TRAF3IP1: variants seen among roughly 807,000 people sequenced by gnomAD.
TRAF3IP1 encodes TRAF3-interacting protein 1.
Under a neutral mutation model 89.9 loss-of-function variants are expected in TRAF3IP1, and 53 were observed. The ratio of observed to expected loss-of-function variants is 0.59; its 90% CI spans 0.47 to 0.74. TRAF3IP1 has a LOEUF of 0.74. Among genes scored for constraint, TRAF3IP1 ranks in the 30% least tolerant of loss-of-function variants. TRAF3IP1 has a pLI of 0.00. For missense variants in TRAF3IP1, 806 were observed against 866.1 expected (o/e 0.93, Z 0.87); for synonymous variants, 311 against 322.1 (o/e 0.97, Z 0.37).
At chr2:238,330,220 C>T (rs908537681) in intron 5 of TRAF3IP1, among the ~76,000 whole-genome samples, 1 of 152,162 alleles carries the variant, frequency 6.6e-6, no homozygotes, top group Non-Finnish European at 1.5e-5. Flanking sequence ...GGGCTGCTTT[C>T]AAGGGCTTTT....
At chr2:238,370,273 ATGTCTG>A (rs1700053109) in intron 15 of TRAF3IP1, among the ~76,000 whole-genome samples, 1 of 151,350 alleles carries the variant, frequency 6.6e-6, no homozygotes, top group East Asian at 1.9e-4. Flanking sequence ...GTCTATGTGA[ATGTCTG>A]TGTCTGTGTG....
intron 12 of TRAF3IP1, among the ~76,000 whole-genome samples, chr2:238,350,923 C>A (rs1310375853): frequency 6.6e-6 from 1 of 151,908 alleles, no homozygotes; most frequent in Non-Finnish European, 1.5e-5. Flanking sequence ...GGAAGCGCCA[C>A]GGTCATGACC....
Position 238,372,022 on chromosome 2 carries a change from A to G in TRAF3IP1, c.1689+15942A>G, listed in dbSNP as rs142386721. ...TCCCTAAACTAGTTCTTGAAAAAAT[A>G]GTTTTGTGGAAGAATAACATAATAA... On this transcript the variant is annotated intron_variant, in intron 15 of 16. Transcript: ENST00000373327. Among the ~76,000 whole-genome samples the G allele has an allele frequency of 1.8e-3, 270 of 152,348 alleles. 2 individuals are homozygous for G. Among genetic ancestry groups the G allele is most frequent in the African/African-American group, 6.0e-3 (249 of 41,590 alleles).
chr2:238,385,818 C>G (rs1276785522), intron 15 of TRAF3IP1, among the ~76,000 whole-genome samples: 1 of 152,028 alleles, frequency 6.6e-6, no homozygotes, highest in Admixed American at 6.5e-5. Context: ...AGGGGGAAGT[C>G]AGACTGGCCT....
In TRAF3IP1 at chr2:238,358,642, G is replaced by A. The variant is rs189678179; in HGVS notation, c.1689+2562G>A. Among the ~76,000 whole-genome samples the A allele has an allele frequency of 4.7e-3, 716 of 152,324 alleles. 4 individuals are homozygous for A. The highest frequency in any genetic ancestry group is 7.5e-3 in the South Asian group (36 of 4,828). ...TGGTGTGTATCTCTACTTTGGATGT[G>A]CCTCGTGGTGTTTTTTGAGTTTCTA... On this transcript the variant is annotated intron_variant, in intron 15 of 16. Coordinates refer to ENST00000373327, the MANE Select transcript of TRAF3IP1 (RefSeq NM_015650.4).
At chr2:238,387,823 G>GT (rs1700836277) in intron 15 of TRAF3IP1, among the ~76,000 whole-genome samples, 1 of 152,218 alleles carries the variant, frequency 6.6e-6, no homozygotes, top group Non-Finnish European at 1.5e-5. Context: ...GCTCATGCCT[G>GT]TAATCCCAAT....
chr2:238,341,360 TA>T (rs950344003), intron 8 of TRAF3IP1, among the ~76,000 whole-genome samples: 1 of 151,882 alleles, frequency 6.6e-6, no homozygotes, highest in Non-Finnish European at 1.5e-5. Context: ...CAAAGTATGT[TA>T]AAAAAACATC....
intron 10 of TRAF3IP1, among the ~76,000 whole-genome samples, chr2:238,347,779 C>T (rs1193383373): frequency 6.6e-6 from 1 of 151,988 alleles, no homozygotes; most frequent in Non-Finnish European, 1.5e-5. Flanking sequence ...AGGCATGCAC[C>T]ACCACGCCCG....
intron 7 of TRAF3IP1, among the ~76,000 whole-genome samples, chr2:238,335,395 T>C (rs1416334785): frequency 6.6e-6 from 1 of 152,250 alleles, no homozygotes; most frequent in Non-Finnish European, 1.5e-5. Context: ...TCTCTCCTGC[T>C]CTGTGAAGCC....
At position 238,351,935 on chromosome 2, in the gene TRAF3IP1, G is replaced by A. The variant is rs1699191845; in HGVS notation, c.1452-892G>A. On this transcript the variant is annotated intron_variant, in intron 12 of 16. Coordinates refer to ENST00000373327, the MANE Select transcript of TRAF3IP1 (RefSeq NM_015650.4). This position sits in a 1 kb window ranked among gnomAD's most constrained non-coding sequence, Gnocchi z 5.2. ...TGTGTGTGTGTGTGTGTGTATGCATGTGCACGCATGCAGCACTGCGATAAC... is the reference window on the plus strand; with the variant it reads ...TGTGTGTGTGTGTGTGTGTATGCATATGCACGCATGCAGCACTGCGATAAC... Among the ~76,000 whole-genome samples, 1 of 151,926 alleles carries A rather than the reference G, an allele frequency of 6.6e-6. No homozygotes were observed. The highest frequency in any genetic ancestry group is 2.4e-5 in the African/African-American group (1 of 41,342).
intron 4 of TRAF3IP1, 28 bp from the exon 5 acceptor site, chr2:238,328,898 C>A: frequency 6.3e-7 from 1 of 1,581,352 alleles, no homozygotes; most frequent in Non-Finnish European, 8.6e-7. Flanking sequence ...TAAAAATATT[C>A]ATAAATGATT....
intron 15 of TRAF3IP1, among the ~76,000 whole-genome samples, chr2:238,363,165 C>T (rs925370174): frequency 4.6e-5 from 7 of 152,122 alleles, no homozygotes; most frequent in Non-Finnish European, 2.9e-5. Flanking sequence ...TATAGATACT[C>T]ACTTTTGTTT....
chr2:238,355,972 C>T (rs1559374287), intron 14 of TRAF3IP1, 32 bp from the exon 15 acceptor site: 2 of 1,567,544 alleles, frequency 1.3e-6, no homozygotes, highest in Non-Finnish European at 1.8e-6. Context: ...AGAGAATAAA[C>T]TTTTAACATA....
rs568192850 is a variant in TRAF3IP1, at chr2:238,359,372, G to A, written c.1689+3292G>A. Among the ~76,000 whole-genome samples the A allele has an allele frequency of 1.5e-4, 22 of 150,428 alleles. No individual in the cohort carries two copies. In the East Asian group the frequency reaches 3.7e-3, roughly 25 times the overall value. ...CATCTCCATGTTCCCCTTACCCCAC[G>A]CCCCAACCCCAGCAGCCACCCCTCT... is the stretch of plus-strand genomic sequence containing the variant. On this transcript the variant is annotated intron_variant, in intron 15 of 16. Transcript: ENST00000373327.
intron 15 of TRAF3IP1, among the ~76,000 whole-genome samples, chr2:238,395,278 G>A (rs915660551): frequency 2.0e-5 from 3 of 152,166 alleles, no homozygotes; most frequent in African/African-American, 7.2e-5. Context: ...AACAAGCAAT[G>A]GGGAAATGTT....
intron 8 of TRAF3IP1, among the ~76,000 whole-genome samples, chr2:238,339,945 A>G (rs528807223): frequency 1.6e-4 from 25 of 152,342 alleles, no homozygotes; most frequent in African/African-American, 5.8e-4. Flanking sequence ...ACAAACTGCA[A>G]ACGTGGTTTC....
intron 5 of TRAF3IP1, among the ~76,000 whole-genome samples, chr2:238,332,254 T>G (rs759401207): frequency 6.6e-6 from 1 of 152,218 alleles, no homozygotes; most frequent in Non-Finnish European, 1.5e-5. Context: ...CTCCTTCTAC[T>G]CTGAGATATG....
intron 15 of TRAF3IP1, among the ~76,000 whole-genome samples, chr2:238,359,391 C>T (rs139419387): frequency 6.6e-6 from 1 of 152,260 alleles, no homozygotes; most frequent in Non-Finnish European, 1.5e-5. Flanking sequence ...CCAGCAGCCA[C>T]CCCTCTGCTC....
chr2:238,324,796 G>A (rs1697737245), intron 1 of TRAF3IP1, among the ~76,000 whole-genome samples: 1 of 151,990 alleles, frequency 6.6e-6, no homozygotes, highest in Admixed American at 6.6e-5. Context: ...TGGAGACAGG[G>A]TTTCACCATG....
Sources: gnomAD v4.1 joint callset for allele counts (sites outside exome capture counted in the v4.1 genomes callset) on GRCh38, gnomAD v4.1.1 for gene constraint, Gnocchi (gnomAD v3.1) non-coding constraint, MANE v1.5 for transcripts, NCBI Gene and HGNC (gene_info 2026-07-23, HGNC 2026-07-21) for gene names.